The following ASCL5 variants were observed in gnomAD, a reference collection of about 807,000 sequenced individuals.
The protein encoded by ASCL5 is achaete-scute homolog 5.
For missense variants in ASCL5, 262 were observed against 268.9 expected, an observed-to-expected ratio of 0.97 and a Z score of 0.18; for synonymous variants, 124 against 131.5, an observed-to-expected ratio of 0.94 and a Z score of 0.39.
chr1:201,122,636 T>C (rs1440168492), intron 1 of ASCL5, among the ~76,000 whole-genome samples: 1 of 152,100 alleles, frequency 6.6e-6, no homozygotes, highest in South Asian at 2.1e-4. Context: ...GTCCCCACCT[T>C]TTTTATGAGT....
In ASCL5 at chr1:201,115,232, CAGCAGG is replaced by C; in HGVS notation, c.135_140del (p.Phe45_Leu46del). On this transcript the variant is annotated inframe_deletion, in exon 2 of 2. Transcript: ENST00000449188. Reference sequence around the variant, plus strand: ...AGGGCGGCTCTGCTGGGCCCGGGTACAGCAGGAAGGGCACGTTGCCCAGGGGCTCGG... The same window carrying C: ...AGGGCGGCTCTGCTGGGCCCGGGTACAAGGGCACGTTGCCCAGGGGCTCGG... The C allele has an allele frequency of 1.6e-6, 2 of 1,231,476 alleles. No individual in the cohort carries two copies. Among genetic ancestry groups the C allele is most frequent in the Non-Finnish European group, 2.0e-6 (2 of 987,834 alleles). 76.3% of individuals were successfully genotyped at this position (1,231,476 alleles called of 1,614,324 possible). A position where few individuals can be genotyped will look rare whatever the true frequency, so the allele number is the denominator to read the frequency against.
chr1:201,116,868 A>G (rs10494826), intron 1 of ASCL5, among the ~76,000 whole-genome samples: 23,731 of 152,134 alleles, frequency 0.16, 2,334 homozygotes, highest in African/African-American at 0.27. Context: ...AAAGATGATC[A>G]GGACTTAGCG....
At chr1:201,117,195 G>A (rs1172436531) in intron 1 of ASCL5, among the ~76,000 whole-genome samples, 2 of 152,192 alleles carry the variant, frequency 1.3e-5, no homozygotes, top group Non-Finnish European at 2.9e-5. Flanking sequence ...CAGCACTTTG[G>A]GAGGCTGAGG....
At chr1:201,126,081 T>C (rs760717478) in intron 1 of ASCL5, among the ~76,000 whole-genome samples, 6 of 152,186 alleles carry the variant, frequency 3.9e-5, no homozygotes, top group Non-Finnish European at 8.8e-5. Context: ...CACCTTACCA[T>C]GTGCTAGCAA....
chr1:201,114,734 G>C lies in ASCL5; in HGVS notation c.*18C>G, dbSNP rs1047689166. ...GCCGGCGGATCATCCTCCAAGCCGG[G>C]GGCGGCCACAGGCCCGATCAATGCC... is the stretch of plus-strand genomic sequence containing the variant. On this transcript the variant is annotated 3_prime_UTR_variant, in exon 2 of 2. Coordinates refer to ENST00000449188, the MANE Select transcript of ASCL5 (RefSeq NM_001270601.2). 1 of 1,230,808 alleles carries C rather than the reference G, an allele frequency of 8.1e-7. No homozygotes were observed. Among genetic ancestry groups the C allele is most frequent in the African/African-American group, 1.6e-5 (1 of 64,344 alleles). The allele number at this position is 1,230,808 out of a possible 1,614,324, so 76.2% of individuals were successfully genotyped here.
intron 1 of ASCL5, among the ~76,000 whole-genome samples, chr1:201,118,348 G>T (rs1663388344): frequency 6.6e-6 from 1 of 152,120 alleles, no homozygotes; most frequent in South Asian, 2.1e-4. Flanking sequence ...GGGTTTGGTG[G>T]CATGTGCCTG....
chr1:201,123,473 C>G (rs763701735), intron 1 of ASCL5, among the ~76,000 whole-genome samples: 4 of 152,210 alleles, frequency 2.6e-5, no homozygotes, highest in Non-Finnish European at 5.9e-5. Context: ...CTACAAAACT[C>G]TCATTACAGC....
chr1:201,115,476 G>A lies in ASCL5; in HGVS notation c.-104C>T. The A allele has an allele frequency of 1.0e-6, 1 of 999,918 alleles. No homozygotes were observed. The highest frequency in any genetic ancestry group is 1.3e-6 in the Non-Finnish European group (1 of 777,162). 61.9% of individuals were successfully genotyped at this position (999,918 alleles called of 1,614,324 possible). Reference sequence around the variant, plus strand: ...GGGGCAAGTCACATCGCTAGCAGCAGCTCTTGGGTACCAGGACTTGCTAGG... The same window carrying A: ...GGGGCAAGTCACATCGCTAGCAGCAACTCTTGGGTACCAGGACTTGCTAGG... On this transcript the variant is annotated 5_prime_UTR_variant, in exon 2 of 2. Transcript: ENST00000449188.
At chr1:201,118,189 G>T (rs953344678) in intron 1 of ASCL5, among the ~76,000 whole-genome samples, 1 of 152,186 alleles carries the variant, frequency 6.6e-6, no homozygotes, top group Non-Finnish European at 1.5e-5. Context: ...TGTTAGAAAA[G>T]AACTGATAAG....
At chr1:201,117,246 G>A (rs996791161) in intron 1 of ASCL5, among the ~76,000 whole-genome samples, 24 of 152,110 alleles carry the variant, frequency 1.6e-4, no homozygotes, top group Admixed American at 1.3e-3. Flanking sequence ...GACCAGCCTG[G>A]CCAACATGAT....
At chr1:201,120,973 G>A (rs1467260422) in intron 1 of ASCL5, among the ~76,000 whole-genome samples, 1 of 152,222 alleles carries the variant, frequency 6.6e-6, no homozygotes. Context: ...CAAGGACTCA[G>A]AATGACAGAA....
chr1:201,118,313 C>G (rs1663387032), intron 1 of ASCL5, among the ~76,000 whole-genome samples: 1 of 152,040 alleles, frequency 6.6e-6, no homozygotes, highest in Non-Finnish European at 1.5e-5. Context: ...AACCCTGTCT[C>G]TACAAAAAAT....
At chr1:201,118,081 T>A (rs2102199911) in intron 1 of ASCL5, among the ~76,000 whole-genome samples, 1 of 152,360 alleles carries the variant, frequency 6.6e-6, no homozygotes, top group East Asian at 1.9e-4. Flanking sequence ...TTTCCTCATA[T>A]ACTATTTACC....
chr1:201,117,104 A>G (rs535323795), intron 1 of ASCL5, among the ~76,000 whole-genome samples: 14 of 152,286 alleles, frequency 9.2e-5, no homozygotes, highest in African/African-American at 2.9e-4. Flanking sequence ...AAAATCAACA[A>G]TGATTCTAAG....
At position 201,118,484 on chromosome 1, in the gene ASCL5, C is replaced by CAA. The variant is rs746269894; in HGVS notation, c.-505-2609_-505-2608dup. On this transcript the variant is annotated intron_variant, in intron 1 of 1. Coordinates refer to ENST00000449188, the MANE Select transcript of ASCL5 (RefSeq NM_001270601.2). ...TGGGCAACAGAGCAAGACCCTGTCTCAAGAAAAAAAAAAAAAAAGAGAACT... is the reference window on the plus strand; with the variant it reads ...TGGGCAACAGAGCAAGACCCTGTCTCAAAAGAAAAAAAAAAAAAAAGAGAACT... Among the ~76,000 whole-genome samples, 463 of 108,096 alleles carry CAA rather than the reference C, an allele frequency of 4.3e-3. 9 individuals are homozygous for CAA. Among genetic ancestry groups the CAA allele is most frequent in the African/African-American group, 0.016 (432 of 26,852 alleles). The allele number at this position is 108,096 out of a possible 152,430, so 70.9% of individuals were successfully genotyped here.
Position 201,114,928 on chromosome 1 carries a change from G to A in ASCL5, c.445C>T (p.Pro149Ser), listed in dbSNP as rs1663304799. 3 of 1,231,010 alleles carry A rather than the reference G, an allele frequency of 2.4e-6. No individual in the cohort carries two copies. The highest frequency in any genetic ancestry group is 8.2e-5 in the South Asian group (2 of 24,320). The allele number at this position is 1,231,010 out of a possible 1,614,324, so 76.3% of individuals were successfully genotyped here. ...LSSAPDGSTPPASRGLPGTGP... is the reference protein window; with the variant it reads ...LSSAPDGSTPSASRGLPGTGP... Reference sequence around the variant, plus strand: ...GTGCCCGGGAGGCCGCGGGAAGCGGGGGGCGTCGAGCCGTCGGGGGCCGAG... The same window carrying A: ...GTGCCCGGGAGGCCGCGGGAAGCGGAGGGCGTCGAGCCGTCGGGGGCCGAG... The change falls in exon 2 of 2, where the codon CCC becomes TCC. Residue 149 changes from proline (P) to serine (S), a missense_variant. Coordinates refer to ENST00000449188, the MANE Select transcript of ASCL5 (RefSeq NM_001270601.2).
rs376918654 is a variant in ASCL5, at chr1:201,117,165, G to T, written c.-505-1288C>A. Reference sequence around the variant, plus strand: ...CAAAAGTGAAACCAGGCCGGGCATGGTGGCTCACGCCTGTAGTCCCAGCAC... The same window carrying T: ...CAAAAGTGAAACCAGGCCGGGCATGTTGGCTCACGCCTGTAGTCCCAGCAC... On this transcript the variant is annotated intron_variant, in intron 1 of 1. Coordinates refer to ENST00000449188, the MANE Select transcript of ASCL5 (RefSeq NM_001270601.2). Among the ~76,000 whole-genome samples the T allele has an allele frequency of 2.6e-5, 4 of 152,224 alleles. No homozygotes were observed. The South Asian group carries it at 6.2e-4, about 24-fold the overall frequency.
At chr1:201,116,020 T>A (rs1572083938) in intron 1 of ASCL5, 143 bp from the exon 2 acceptor site, 1 of 152,202 alleles carries the variant, frequency 6.6e-6, no homozygotes, top group East Asian at 1.9e-4. Flanking sequence ...AGATCTGGGT[T>A]AAAATCTTGT....
In ASCL5 at chr1:201,114,602, G is replaced by C. The variant is rs1663290597; in HGVS notation, c.*150C>G. 1.6e-6 allele frequency: 1 copy of C among 626,448 alleles called. No individual in the cohort carries two copies. The highest frequency in any genetic ancestry group is 2.3e-6 in the Non-Finnish European group (1 of 438,534). 38.8% of individuals were successfully genotyped at this position (626,448 alleles called of 1,614,324 possible). ...CTTCCGCCCCAAGCTGGTGGAGGAG[G>C]GAGGGTGTCGCAGACACGGGAGCGC... On this transcript the variant is annotated 3_prime_UTR_variant, in exon 2 of 2. Transcript: ENST00000449188.
Sources: gnomAD v4.1 joint callset for allele counts (sites outside exome capture counted in the v4.1 genomes callset) on GRCh38, gnomAD v4.1.1 for gene constraint, MANE v1.5 for transcripts, NCBI Gene and HGNC (gene_info 2026-07-23, HGNC 2026-07-21) for gene names.